The following FGF6 variants were observed in gnomAD, a reference collection of about 807,000 sequenced individuals.
FGF6 encodes fibroblast growth factor 6.
A neutral mutation model predicts 18.4 loss-of-function variants in FGF6; 14 were observed. The observed-to-expected ratio is 0.76, with a 90% CI of 0.50 to 1.19. The LOEUF is 1.19. FGF6 is among the 50% of genes most tolerant of loss of function. FGF6 has a pLI of 0.00. For missense variants in FGF6, 266 were observed against 271.6 expected (o/e 0.98, Z 0.15); for synonymous variants, 125 against 116.7 (o/e 1.07, Z -0.46).
At position 4,445,149 on chromosome 12, in the gene FGF6, G is replaced by C; in HGVS notation, c.346+76C>G. The stretch of plus-strand genomic sequence containing the variant: ...TTTATCGTGCATCCTGTCCGCTAGA[G>C]CAGGGCCCCTTCACCTTTTAGCCCT... On this transcript the variant is annotated intron_variant, in intron 1 of 2. Transcript: ENST00000228837. The surrounding 1 kb of genome is among the most constrained non-coding windows in gnomAD (Gnocchi z 5.5). The C allele has an allele frequency of 8.0e-6, 10 of 1,243,726 alleles. No homozygotes were observed. The highest frequency in any genetic ancestry group is 1.1e-5 in the Non-Finnish European group (10 of 888,648). The allele number at this position is 1,243,726 out of a possible 1,614,324, so 77.0% of individuals were successfully genotyped here.
chr12:4,439,843 C>G (rs1347094813), intron 2 of FGF6, among the ~76,000 whole-genome samples: 2 of 152,210 alleles, frequency 1.3e-5, no homozygotes, highest in Admixed American at 1.3e-4. Context: ...CCTTGCTGCT[C>G]TCTCTCCTCC....
chr12:4,435,262 T>A (rs775544047), intron 2 of FGF6, among the ~76,000 whole-genome samples: 1 of 151,918 alleles, frequency 6.6e-6, no homozygotes, highest in Non-Finnish European at 1.5e-5. Flanking sequence ...TTCCAGCCAC[T>A]CCCTATTGCC....
Position 4,434,264 on chromosome 12 carries a change from C to A in FGF6, c.578G>T (p.Ser193Ile). ...LSKYGRVKRGSKVSPIMTVTH... is the reference protein window; with the variant it reads ...LSKYGRVKRGIKVSPIMTVTH... ...GACAGTCATGATCGGGGACACCTTG[C>A]TGCCCCGCTTTACCCGTCCGTATTT... The change falls in exon 3 of 3, where the codon AGC becomes ATC. Residue 193 changes from serine (S) to isoleucine (I), a missense_variant. By Grantham distance (142) the Ser-to-Ile change is moderately radical. Coordinates refer to ENST00000228837, the MANE Select transcript of FGF6 (RefSeq NM_020996.3). 2 of 1,614,196 alleles carry A rather than the reference C, an allele frequency of 1.2e-6. No homozygotes were observed. The highest frequency in any genetic ancestry group is 2.2e-5 in the South Asian group (2 of 91,086).
At chr12:4,442,009 G>A (rs1865696714) in intron 2 of FGF6, among the ~76,000 whole-genome samples, 1 of 151,874 alleles carries the variant, frequency 6.6e-6, no homozygotes, top group Admixed American at 6.5e-5. Flanking sequence ...GAGGTCCAGG[G>A]AGGAGAATCT....
At chr12:4,439,588 G>A (rs557020518) in intron 2 of FGF6, among the ~76,000 whole-genome samples, 12 of 151,948 alleles carry the variant, frequency 7.9e-5, no homozygotes, top group African/African-American at 2.4e-4. Flanking sequence ...CCATGGATGC[G>A]TAGATTGTAC....
At chr12:4,442,948 C>T (rs11610225) in intron 2 of FGF6, among the ~76,000 whole-genome samples, 30,353 of 152,182 alleles carry the variant, frequency 0.2, 3,304 homozygotes, top group Middle Eastern at 0.29. Context: ...CAGGCCCACA[C>T]GCCAGCTCTG....
At position 4,445,361 on chromosome 12, in the gene FGF6, G is replaced by A. The variant is rs780649360; in HGVS notation, c.210C>T (p.Ala70=). 18 of 1,613,960 alleles carry A rather than the reference G, an allele frequency of 1.1e-5. No homozygotes were observed. The highest frequency in any genetic ancestry group is 2.2e-5 in the South Asian group (2 of 91,078). ...AATAGCCACTTTCCCAGTTCACCCC[G>A]GCAATCTCTCCAGCTAGCCCGGCGC... The part of the protein sequence containing the change: ...RSRAGLAGEI[A]GVNWESGYLV... The change falls in exon 1 of 3, where the codon GCC becomes GCT. Residue 70 remains alanine (A), a synonymous_variant. Coordinates refer to ENST00000228837, the MANE Select transcript of FGF6 (RefSeq NM_020996.3). The surrounding 1 kb of genome is among the most constrained non-coding windows in gnomAD (Gnocchi z 5.5).
Position 4,435,390 on chromosome 12 carries a change from G to A in FGF6, c.451-999C>T, listed in dbSNP as rs188085568. Reference sequence around the variant, plus strand: ...GGGATCTGGGTTGCCTGCTCCTTCTGAGAATCTAACTAATGCCTGATGATC... The same window carrying A: ...GGGATCTGGGTTGCCTGCTCCTTCTAAGAATCTAACTAATGCCTGATGATC... On this transcript the variant is annotated intron_variant, in intron 2 of 2. Transcript: ENST00000228837. Among the ~76,000 whole-genome samples, 419 of 152,236 alleles carry A rather than the reference G, an allele frequency of 2.8e-3. 3 individuals are homozygous for A. Among genetic ancestry groups the A allele is most frequent in the Admixed American group, 6.5e-3 (100 of 15,300 alleles).
intron 2 of FGF6, among the ~76,000 whole-genome samples, chr12:4,440,780 A>C (rs1164958493): frequency 2.6e-5 from 4 of 152,160 alleles, no homozygotes; most frequent in Non-Finnish European, 5.9e-5. Flanking sequence ...ATCTCCCAGC[A>C]CTTCCTCATG....
At position 4,445,021 on chromosome 12, in the gene FGF6, C is replaced by T. The variant is rs17183550; in HGVS notation, c.346+204G>A. ...AGTGCCACTGAGGATCTAACCAAGG[C>T]GATGGCAAAGAACACCAGGATGCTT... On this transcript the variant is annotated intron_variant, in intron 1 of 2. Transcript: ENST00000228837. The surrounding 1 kb of genome is among the most constrained non-coding windows in gnomAD (Gnocchi z 5.5). Among the ~76,000 whole-genome samples the T allele has an allele frequency of 6.6e-3, 1,002 of 152,276 alleles. 7 individuals carry two copies. Among genetic ancestry groups the T allele is most frequent in the African/African-American group, 0.022 (922 of 41,556 alleles).
chr12:4,444,975 G>A (rs930891072), intron 1 of FGF6, among the ~76,000 whole-genome samples: 2 of 152,312 alleles, frequency 1.3e-5, no homozygotes, highest in Non-Finnish European at 2.9e-5. Flanking sequence ...CATCAGATGG[G>A]CCAGTAATGC....
chr12:4,436,786 C>T (rs1311733131), intron 2 of FGF6, among the ~76,000 whole-genome samples: 1 of 152,204 alleles, frequency 6.6e-6, no homozygotes, highest in Non-Finnish European at 1.5e-5. Context: ...ATGCTTGCAG[C>T]TTATTTACAA....
In FGF6 at chr12:4,438,751, CAAAAAAA is replaced by C. The variant is rs386375443; in HGVS notation, c.451-4367_451-4361del. Among the ~76,000 whole-genome samples, 299 of 39,716 alleles carry C rather than the reference CAAAAAAA, an allele frequency of 7.5e-3. 1 individual carries two copies. The highest frequency in any genetic ancestry group is 0.029 in the Middle Eastern group (1 of 34). 26.1% of individuals were successfully genotyped at this position (39,716 alleles called of 152,430 possible). ...CTGGTGACAGAGCGAGACTCTATCT[CAAAAAAA>C]AAAAAAAAAAAAAAAAAAAAGAGGA... On this transcript the variant is annotated intron_variant, in intron 2 of 2. Coordinates refer to ENST00000228837, the MANE Select transcript of FGF6 (RefSeq NM_020996.3).
chr12:4,441,341 CGG>C (rs1296393376), intron 2 of FGF6, among the ~76,000 whole-genome samples: 1 of 152,142 alleles, frequency 6.6e-6, no homozygotes, highest in Non-Finnish European at 1.5e-5. Context: ...AGCCCTGAGA[CGG>C]GGCTGCACAC....
At position 4,445,712 on chromosome 12, in the gene FGF6, C is replaced by T. The variant is rs570376193; in HGVS notation, c.-142G>A. ...GCTGACATGAAACCAAAGCCTCCAT[C>T]GGGCACTCGGGTTGAGAGCAGAGGG... On this transcript the variant is annotated 5_prime_UTR_variant, in exon 1 of 3. Coordinates refer to ENST00000228837, the MANE Select transcript of FGF6 (RefSeq NM_020996.3). The surrounding 1 kb of genome is among the most constrained non-coding windows in gnomAD (Gnocchi z 5.5). 2 of 691,726 alleles carry T rather than the reference C, an allele frequency of 2.9e-6. No individual in the cohort carries two copies. The highest frequency in any genetic ancestry group is 2.7e-5 in the East Asian group (1 of 36,494). 42.8% of individuals were successfully genotyped at this position (691,726 alleles called of 1,614,324 possible).
intron 2 of FGF6, among the ~76,000 whole-genome samples, chr12:4,436,926 G>A (rs1055116279): frequency 3.3e-5 from 5 of 152,210 alleles, no homozygotes; most frequent in African/African-American, 4.8e-5. Flanking sequence ...AGGATGCTCA[G>A]TGAATATTTG....
Position 4,445,496 on chromosome 12 carries a change from G to A in FGF6, c.75C>T (p.Leu25=), listed in dbSNP as rs17183515. 122 of 1,613,060 alleles carry A rather than the reference G, an allele frequency of 7.6e-5. No individual in the cohort carries two copies. Among genetic ancestry groups the A allele is most frequent in the African/African-American group, 6.5e-4 (49 of 75,046 alleles). ...TGCCCACTAGGATGCCTAGGAAGAC[G>A]AGAGCCCACAGCGTGCCCTGCAGAC... ...AGRLQGTLWA[L]VFLGILVGMV... is the part of the protein sequence containing the mutation. The change falls in exon 1 of 3, where the codon CTC becomes CTT. Residue 25 remains leucine, a synonymous_variant. Coordinates refer to ENST00000228837, the MANE Select transcript of FGF6 (RefSeq NM_020996.3). The surrounding 1 kb of genome is among the most constrained non-coding windows in gnomAD (Gnocchi z 5.5).
At position 4,445,726 on chromosome 12, in the gene FGF6, G is replaced by C. The variant is rs1865758003; in HGVS notation, c.-156C>G. ...AAAGCCTCCATCGGGCACTCGGGTT[G>C]AGAGCAGAGGGACCCAGGCTGAGCC... is the stretch of plus-strand genomic sequence containing the variant. On this transcript the variant is annotated 5_prime_UTR_variant, in exon 1 of 3. The change creates a premature stop within an existing upstream ORF in the 5' untranslated region. Transcript: ENST00000228837. The surrounding 1 kb of genome is among the most constrained non-coding windows in gnomAD (Gnocchi z 5.5). 1.5e-6 allele frequency: 1 copy of C among 648,716 alleles called. No individual in the cohort carries two copies. Among genetic ancestry groups the C allele is most frequent in the Non-Finnish European group, 2.6e-6 (1 of 382,570 alleles). The allele number at this position is 648,716 out of a possible 1,614,324, so 40.2% of individuals were successfully genotyped here.
At chr12:4,435,712 G>GA (rs1865620074) in intron 2 of FGF6, among the ~76,000 whole-genome samples, 1 of 152,310 alleles carries the variant, frequency 6.6e-6, no homozygotes, top group East Asian at 1.9e-4. Flanking sequence ...CACCTGTTCA[G>GA]AACATGAACG....
Sources: allele counts gnomAD v4.1 joint callset (sites outside exome capture counted in the v4.1 genomes callset), GRCh38; gene constraint gnomAD v4.1.1; non-coding constraint Gnocchi (gnomAD v3.1); transcripts MANE v1.5; gene names NCBI Gene and HGNC (gene_info 2026-07-23, HGNC 2026-07-21).